PTGER3: variants seen among roughly 807,000 people sequenced by gnomAD.
The protein encoded by PTGER3 is prostaglandin E receptor 3.
A neutral mutation model predicts 34.7 loss-of-function variants in PTGER3; 22 were observed. The ratio of observed to expected loss-of-function variants is 0.63; its 90% CI spans 0.45 to 0.91. The LOEUF is 0.91. PTGER3 is among the 40% of genes least tolerant of loss of function. The probability of loss-of-function intolerance (pLI) is 0.00; values close to 1 mark genes in which losing one functional copy is unlikely to be tolerated. For synonymous variants in PTGER3, 241 were observed against 230.1 expected, an observed-to-expected ratio of 1.05 and a Z score of -0.43; for missense variants, 468 against 519.4, an observed-to-expected ratio of 0.90 and a Z score of 0.96.
intron 2 of PTGER3, among the ~76,000 whole-genome samples, chr1:70,963,489 A>C (rs1331932617): frequency 2.0e-5 from 3 of 152,186 alleles, no homozygotes; most frequent in Non-Finnish European, 4.4e-5. Flanking sequence ...GAAATCCAGG[A>C]AGAGGGGCCC....
chr1:70,861,701 CA>C (rs35895358), intron 4 of PTGER3, among the ~76,000 whole-genome samples: 409 of 141,232 alleles, frequency 2.9e-3, no homozygotes, highest in Admixed American at 3.9e-3. Flanking sequence ...GTTCCATTAG[CA>C]AAAAAAAAAA....
chr1:71,005,762 T>A, intron 2 of PTGER3: 1 of 708,222 alleles, frequency 1.4e-6, no homozygotes, highest in Non-Finnish European at 1.7e-6. Context: ...CCATGCCCTC[T>A]GAGGACATGA....
rs114214040 is a variant in PTGER3 at position 70,910,257 on chromosome 1, A to G, written c.*23+43506T>C. Among the ~76,000 whole-genome samples the G allele has an allele frequency of 9.2e-3, 1,405 of 152,318 alleles. 17 individuals carry two copies. The highest frequency in any genetic ancestry group is 0.033 in the African/African-American group (1,359 of 41,572). Reference sequence around the variant, plus strand: ...TGGCTTTCTCTGAAGCAAAACCCCAAGTGACACCCAGTTTCTGCCTAAAGC... The same window carrying G: ...TGGCTTTCTCTGAAGCAAAACCCCAGGTGACACCCAGTTTCTGCCTAAAGC... On this transcript the variant is annotated intron_variant, in intron 4 of 4. Coordinates refer to the PTGER3 transcript ENST00000370931.
chr1:70,981,315 CCTTTCTTCT>C (rs1557708564), intron 2 of PTGER3, among the ~76,000 whole-genome samples: 407 of 95,498 alleles, frequency 4.3e-3, no homozygotes, highest in African/African-American at 5.7e-3. Flanking sequence ...TTCCTTCCTT[CCTTTCTTCT>C]TTCTTTCTTT....
At chr1:70,909,173 T>C (rs6686947) in intron 4 of PTGER3, among the ~76,000 whole-genome samples, 17,498 of 152,194 alleles carry the variant, frequency 0.11, 1,317 homozygotes, top group Middle Eastern at 0.27. Flanking sequence ...TATGTACTAA[T>C]ATAGAAAGAA....
At chr1:70,919,987 TGGGTTTTACTG>T (rs200794511) in intron 4 of PTGER3, among the ~76,000 whole-genome samples, 6,049 of 152,258 alleles carry the variant, frequency 0.04, 149 homozygotes, top group Middle Eastern at 0.13. Context: ...AAATGAGCTC[TGGGTTTTACTG>T]GGGCAAGCCT....
intron 1 of PTGER3, among the ~76,000 whole-genome samples, chr1:71,025,165 T>TTCCTTCCTTCCTTCCTTCC (rs1553178212): frequency 0.03 from 2,391 of 79,602 alleles, 36 homozygotes; most frequent in Middle Eastern, 0.038. Flanking sequence ...TCCTTCCTTC[T>TTCCTTCCTTCCTTCCTTCC]TTCCTTCCTT....
chr1:70,890,440 G>GA (rs942839318), intron 4 of PTGER3, among the ~76,000 whole-genome samples: 1 of 151,726 alleles, frequency 6.6e-6, no homozygotes, highest in Non-Finnish European at 1.5e-5. Context: ...GAGGATGATA[G>GA]AAAAAAAAGT....
At chr1:70,932,905 A>G (rs12067140) in intron 4 of PTGER3, among the ~76,000 whole-genome samples, 20,555 of 152,160 alleles carry the variant, frequency 0.14, 1,729 homozygotes, top group African/African-American at 0.22. Context: ...ATATACACAT[A>G]GAGATACAAA....
intron 4 of PTGER3, among the ~76,000 whole-genome samples, chr1:70,894,582 T>G (rs1274081869): frequency 6.6e-6 from 1 of 152,180 alleles, no homozygotes; most frequent in Non-Finnish European, 1.5e-5. Context: ...TGTTACATAA[T>G]TATTGAACTC....
At chr1:71,018,054 C>T (rs1340270618) in intron 1 of PTGER3, among the ~76,000 whole-genome samples, 4 of 152,080 alleles carry the variant, frequency 2.6e-5, no homozygotes, top group Non-Finnish European at 5.9e-5. Context: ...CGTGAGTCAC[C>T]ACCACCTGGC....
Position 70,965,620 on chromosome 1 carries a change from C to G in PTGER3, c.1078-11831G>C, listed in dbSNP as rs530788141. 4.3e-4 allele frequency among the ~76,000 whole-genome samples: 65 copies of G among 152,200 alleles called. 1 individual carries two copies. Among genetic ancestry groups the G allele is most frequent in the African/African-American group, 1.5e-3 (63 of 41,512 alleles). On this transcript the variant is annotated intron_variant, in intron 2 of 3. Transcript: ENST00000356595. ...ACAGTTAGCTAATTTTACTTGAATA[C>G]CTATGTCTTATTCTTTACCAACACC...
intron 4 of PTGER3, among the ~76,000 whole-genome samples, chr1:70,928,135 A>T (rs911112265): frequency 2.0e-5 from 3 of 146,726 alleles, no homozygotes; most frequent in African/African-American, 7.4e-5. Context: ...ATATATATTT[A>T]TATATATATA....
chr1:70,867,598 G>T (rs544910217), intron 4 of PTGER3, among the ~76,000 whole-genome samples: 2 of 152,064 alleles, frequency 1.3e-5, no homozygotes, highest in African/African-American at 4.8e-5. Flanking sequence ...GGTGGCAGGC[G>T]CCTGTAGTCC....
rs1224016568 is a variant in PTGER3, at chr1:71,047,478, G to C, written c.100C>G (p.Arg34Gly). 6.2e-7 allele frequency: 1 copy of C among 1,607,998 alleles called. No homozygotes were observed. The highest frequency in any genetic ancestry group is 1.3e-5 in the African/African-American group (1 of 75,042). ...MWAPERSAEA[R>G]GNLTRPPGSG... ...CCTGGAGGGCGCGTGAGGTTGCCCC[G>C]CGCCTCGGCGGAACGCTCGGGCGCC... Residue 34 changes from arginine (R) to glycine (G), a missense_variant, in exon 1 of 4, where the codon CGG (arginine) becomes GGG (glycine). Physicochemically the swap from Arg to Gly is moderately radical, Grantham distance 125. Around this residue, in one of 5 missense-constraint regions of PTGER3, gnomAD observed 151 missense variants for 133.5 expected, o/e 1.13. Coordinates refer to ENST00000306666, the MANE Select transcript of PTGER3 (RefSeq NM_198719.2).
At chr1:71,014,090 TA>T (rs1006362343) in intron 1 of PTGER3, among the ~76,000 whole-genome samples, 18 of 152,228 alleles carry the variant, frequency 1.2e-4, no homozygotes, top group African/African-American at 3.9e-4. Flanking sequence ...TTTGACTTTT[TA>T]AAAATGCAGC....
At chr1:70,910,968 T>C (rs1227004578) in intron 4 of PTGER3, among the ~76,000 whole-genome samples, 1 of 151,622 alleles carries the variant, frequency 6.6e-6, no homozygotes, top group African/African-American at 2.4e-5. Flanking sequence ...TAATCCCAGC[T>C]ACTCAGGAGG....
chr1:70,922,845 G>A (rs1426125136), intron 4 of PTGER3, among the ~76,000 whole-genome samples: 1 of 152,154 alleles, frequency 6.6e-6, no homozygotes, highest in Non-Finnish European at 1.5e-5. Flanking sequence ...AGTTGTGGAA[G>A]GTTTGTGAAA....
At position 70,911,078 on chromosome 1, in the gene PTGER3, T is replaced by TA. The variant is rs58300413; in HGVS notation, c.*23+42684dup. On this transcript the variant is annotated intron_variant, in intron 4 of 4. Coordinates refer to the PTGER3 transcript ENST00000370931. ...CTGGGCGACAGAGCGAGACTCCATT[T>TA]AAAAAAAAAAAAAAAATTCTAATTA... is the stretch of plus-strand genomic sequence containing the variant. Among the ~76,000 whole-genome samples, 306 of 143,174 alleles carry TA rather than the reference T, an allele frequency of 2.1e-3. 1 individual carries two copies. Among genetic ancestry groups the TA allele is most frequent in the Non-Finnish European group, 2.7e-3 (175 of 65,544 alleles). 93.9% of individuals were successfully genotyped at this position (143,174 alleles called of 152,430 possible). A position where few individuals can be genotyped will look rare whatever the true frequency, so the allele number is the denominator to read the frequency against.
Sources: gnomAD v4.1 joint callset for allele counts (sites outside exome capture counted in the v4.1 genomes callset) on GRCh38, gnomAD v4.1.1 for gene constraint, gnomAD v4.1.1 regional missense constraint, MANE v1.5 for transcripts, NCBI Gene and HGNC (gene_info 2026-07-23, HGNC 2026-07-21) for gene names.